Variants in NOMO1 observed in about 807,000 individuals in gnomAD.
NOMO1 encodes nodal modulator 3.
In NOMO1, 40 loss-of-function variants were observed where a neutral mutation model predicts 133.8. The observed-to-expected ratio is 0.30, with a 90% CI of 0.23 to 0.39. The LOEUF is 0.39. NOMO1 is among the 10% of genes least tolerant of loss of function. The pLI is 1.00. For synonymous variants in NOMO1, 236 were observed against 570.5 expected, an observed-to-expected ratio of 0.41 and a Z score of 8.36; for missense variants, 462 against 1,419.9, an observed-to-expected ratio of 0.33 and a Z score of 10.84.
chr16:14,869,925 T>C (rs1964057993), intron 16 of NOMO1, among the ~76,000 whole-genome samples: 1 of 150,788 alleles, frequency 6.6e-6, no homozygotes, highest in Non-Finnish European at 1.5e-5. Context: ...TGTTTTATTA[T>C]AGTCATCTTG....
intron 29 of NOMO1, among the ~76,000 whole-genome samples, chr16:14,893,312 T>C (rs1597119262): frequency 6.6e-6 from 1 of 151,942 alleles, no homozygotes; most frequent in East Asian, 1.9e-4. Flanking sequence ...TCTCACCTCC[T>C]GAGTAGCTGG....
chr16:14,882,719 C>G, intron 26 of NOMO1, 42 bp downstream of exon 26: 4 of 1,611,604 alleles, frequency 2.5e-6, no homozygotes, highest in Non-Finnish European at 3.4e-6. Context: ...GTGTGGGTGC[C>G]TCCCTGATCA....
chr16:14,894,420 G>A (rs1964450731), intron 29 of NOMO1, among the ~76,000 whole-genome samples: 2 of 152,140 alleles, frequency 1.3e-5, no homozygotes, highest in South Asian at 2.1e-4. Flanking sequence ...AGGGGAGGCT[G>A]GAAAAGGTGA....
chr16:14,867,384 A>T, intron 15 of NOMO1, among the ~76,000 whole-genome samples: 1 of 65,090 alleles, frequency 1.5e-5, no homozygotes, highest in Non-Finnish European at 3.8e-5. Flanking sequence ...TATTTTTGTT[A>T]GAGACAGAGT....
chr16:14,857,250 G>C lies in NOMO1; in HGVS notation c.997G>C (p.Gly333Arg). The change falls in exon 10 of 31, where the codon GGG becomes CGG. Residue 333 changes from glycine (G) to arginine (R), a missense_variant. Transcript: ENST00000287667. ...VFHVMGFSVT[G>R]RVLNGPEGDG... ...CCACGTCATGGGATTCTCCGTCACC[G>C]GGAGGGTCTTGAACGGACCCGAAGG... The C allele has an allele frequency of 3.1e-6, 5 of 1,600,100 alleles. No individual in the cohort carries two copies. In the East Asian group the frequency reaches 1.1e-4, roughly 36 times the overall value.
At chr16:14,875,288 T>G (rs1964140791) in intron 19 of NOMO1, 34 bp downstream of exon 19, 1 of 1,609,718 alleles carries the variant, frequency 6.2e-7, no homozygotes, top group South Asian at 1.1e-5. Flanking sequence ...TACAGTGTCC[T>G]CTGTTTTGTG....
chr16:14,836,776 G>A (rs947443516), intron 1 of NOMO1, among the ~76,000 whole-genome samples: 7 of 149,242 alleles, frequency 4.7e-5, no homozygotes, highest in African/African-American at 1.7e-4. Context: ...CACAATCTCG[G>A]CTCACTGCAA....
At chr16:14,892,656 G>A (rs1202416487) in intron 29 of NOMO1, among the ~76,000 whole-genome samples, 3 of 147,166 alleles carry the variant, frequency 2.0e-5, no homozygotes, top group African/African-American at 5.0e-5. Flanking sequence ...TTGGATTCCC[G>A]AGCAGGGCCA....
chr16:14,886,168 T>A (rs1370507854), intron 27 of NOMO1, among the ~76,000 whole-genome samples: 2 of 151,692 alleles, frequency 1.3e-5, no homozygotes, highest in Non-Finnish European at 2.9e-5. Flanking sequence ...AACAAAGTAC[T>A]CCAGTGCCTC....
At chr16:14,850,850 G>C (rs1354663952) in intron 6 of NOMO1, among the ~76,000 whole-genome samples, 1 of 151,830 alleles carries the variant, frequency 6.6e-6, no homozygotes, top group Non-Finnish European at 1.5e-5. Flanking sequence ...GGGAGGCTGA[G>C]GTGGGTGGAT....
rs1332065272 is a variant in NOMO1, at chr16:14,875,944, C to T, written c.2357-415C>T. 2.3e-4 allele frequency among the ~76,000 whole-genome samples: 35 copies of T among 150,584 alleles called. 1 individual carries two copies. The highest frequency in any genetic ancestry group is 2.5e-4 in the Non-Finnish European group (17 of 67,706). Reference sequence around the variant, plus strand: ...GTTAAGTTGTGGGTGTTATGTGGTTCGTGTTTGGAAGCAGAGGGTGTTGAA... The same window carrying T: ...GTTAAGTTGTGGGTGTTATGTGGTTTGTGTTTGGAAGCAGAGGGTGTTGAA... On this transcript the variant is annotated intron_variant, in intron 20 of 30. Transcript: ENST00000287667.
At chr16:14,837,410 A>G (rs1963534796) in intron 1 of NOMO1, among the ~76,000 whole-genome samples, 1 of 152,142 alleles carries the variant, frequency 6.6e-6, no homozygotes, top group South Asian at 2.1e-4. Context: ...CTGTGTCTAC[A>G]TCTGAAGAAA....
At position 14,863,083 on chromosome 16, in the gene NOMO1, GTT is replaced by G. The variant is rs1963943745; in HGVS notation, c.1292_1293del (p.Val431GlyfsTer25). ...CGTCAAGCAGATGAATAAATACAAA[GTT>G]GTCCTGTCATCTCAAGACAAGGACA... ...DTVKQMNKYK[V>X]VLSSQDKDKS... On this transcript the variant is annotated frameshift_variant, in exon 12 of 31. Coordinates refer to ENST00000287667, the MANE Select transcript of NOMO1 (RefSeq NM_014287.4). LOFTEE classifies it high-confidence loss of function. 6.2e-7 allele frequency: 1 copy of G among 1,610,178 alleles called. No homozygotes were observed. The highest frequency in any genetic ancestry group is 1.1e-5 in the South Asian group (1 of 90,876).
chr16:14,859,860 G>C (rs1963896688), intron 11 of NOMO1, among the ~76,000 whole-genome samples: 1 of 152,060 alleles, frequency 6.6e-6, no homozygotes, highest in Non-Finnish European at 1.5e-5. Flanking sequence ...AGGCTCTCTG[G>C]GTTGCAGAGA....
At chr16:14,894,899 G>T (rs1445582392) in intron 29 of NOMO1, 99 bp from the exon 30 acceptor site, 3 of 1,536,472 alleles carry the variant, frequency 2.0e-6, no homozygotes, top group African/African-American at 2.8e-5. Flanking sequence ...TCCTCAAGTG[G>T]CCACTTTGGA....
At chr16:14,854,641 C>A (rs1963806904) in intron 9 of NOMO1, among the ~76,000 whole-genome samples, 1 of 60,370 alleles carries the variant, frequency 1.7e-5, no homozygotes, top group Non-Finnish European at 4.9e-5. Flanking sequence ...GGCTAGACCT[C>A]ATTTTCTAAT....
At chr16:14,884,582 G>C in intron 27 of NOMO1, 100 bp downstream of exon 27, 1 of 1,574,498 alleles carries the variant, frequency 6.4e-7, no homozygotes, top group South Asian at 1.1e-5. Context: ...CGTGCCTTAG[G>C]TGTGACAGGT....
chr16:14,866,330 G>A (rs1297520857), intron 14 of NOMO1, among the ~76,000 whole-genome samples: 25 of 150,786 alleles, frequency 1.7e-4, no homozygotes, highest in Non-Finnish European at 3.7e-4. Context: ...AGAGTGCTGG[G>A]ATTATAGGCA....
chr16:14,876,223 G>C (rs906054516), intron 20 of NOMO1, 136 bp from the exon 21 acceptor site: 1 of 1,138,956 alleles, frequency 8.8e-7, no homozygotes, highest in Non-Finnish European at 1.3e-6. Flanking sequence ...TGAGCTCCCC[G>C]GGGTGTTAAA....
Sources: gnomAD v4.1 joint callset for allele counts (sites outside exome capture counted in the v4.1 genomes callset) on GRCh38, gnomAD v4.1.1 for gene constraint, MANE v1.5 for transcripts, NCBI Gene and HGNC (gene_info 2026-07-23, HGNC 2026-07-21) for gene names.